Variants in PRORP observed in about 807,000 individuals in gnomAD.
PRORP encodes mitochondrial ribonuclease P catalytic subunit.
Under a neutral mutation model 59.4 loss-of-function variants are expected in PRORP, and 51 were observed. The observed-to-expected ratio is 0.86, with a 90% confidence interval of 0.69 to 1.08. PRORP has a LOEUF of 1.08. Ranked by LOEUF, PRORP falls within the 50% of genes least tolerant of loss-of-function variation. PRORP has a pLI of 0.00. For synonymous variants in PRORP, 231 were observed against 245.6 expected, an observed-to-expected ratio of 0.94 and a Z score of 0.55; for missense variants, 646 against 690.3, an observed-to-expected ratio of 0.94 and a Z score of 0.72.
Position 35,126,777 on chromosome 14 carries a change from A to G in PRORP, c.1029A>G (p.Arg343=). 6.2e-7 allele frequency: 1 copy of G among 1,605,090 alleles called. No individual in the cohort carries two copies. The highest frequency in any genetic ancestry group is 8.5e-7 in the Non-Finnish European group (1 of 1,174,402). ...GGAAAGGACAATTCACCACAGTCCG[A>G]AAAAGGTGAAGACCAATGTTTATTT... The part of the protein sequence containing the change: ...KQWKGQFTTV[R]KSGQCSGCGK... Residue 343 remains arginine, a synonymous_variant, in exon 3 of 8, where the codon CGA becomes CGG. Coordinates refer to ENST00000534898, the MANE Select transcript of PRORP (RefSeq NM_014672.4).
intron 6 of PRORP, among the ~76,000 whole-genome samples, chr14:35,269,652 GGA>G (rs2051136207): frequency 6.6e-6 from 1 of 151,442 alleles, no homozygotes; most frequent in South Asian, 2.1e-4. Flanking sequence ...TTTTTTTTCT[GGA>G]GAGTTATAAG....
chr14:35,210,882 G>A (rs1334768715), intron 5 of PRORP, among the ~76,000 whole-genome samples: 1 of 143,852 alleles, frequency 7.0e-6, no homozygotes, highest in East Asian at 2.2e-4. Flanking sequence ...TCCCACCTCA[G>A]CCTCCCAAGT....
In PRORP at chr14:35,241,802, C is replaced by T. The variant is rs1482542931; in HGVS notation, c.1276-24925C>T. 7.2e-5 allele frequency among the ~76,000 whole-genome samples: 11 copies of T among 152,216 alleles called. No homozygotes were observed. The East Asian group carries it at 2.1e-3, about 29-fold the overall frequency. ...AATTCTTGTTATTCTCTCAACATAC[C>T]GTAACATTTCACTCATTTGTGCCTT... On this transcript the variant is annotated intron_variant, in intron 5 of 7. Coordinates refer to ENST00000534898, the MANE Select transcript of PRORP (RefSeq NM_014672.4).
At chr14:35,169,952 G>A (rs2048275061) in intron 4 of PRORP, among the ~76,000 whole-genome samples, 1 of 152,192 alleles carries the variant, frequency 6.6e-6, no homozygotes, top group Non-Finnish European at 1.5e-5. Context: ...AGAGTTACCT[G>A]TTCCTCCTTT....
chr14:35,223,606 C>T (rs1449928194), intron 5 of PRORP, among the ~76,000 whole-genome samples: 9 of 152,006 alleles, frequency 5.9e-5, no homozygotes, highest in East Asian at 1.9e-4. Flanking sequence ...ATTACAGGTG[C>T]GCGCCACTGC....
At chr14:35,182,257 C>T (rs923791730) in intron 5 of PRORP, among the ~76,000 whole-genome samples, 2 of 152,056 alleles carry the variant, frequency 1.3e-5, no homozygotes, top group Non-Finnish European at 2.9e-5. Flanking sequence ...CAAAACAAGA[C>T]TACATCTCAA....
chr14:35,207,923 G>A (rs1284231317), intron 5 of PRORP, among the ~76,000 whole-genome samples: 4 of 151,988 alleles, frequency 2.6e-5, no homozygotes, highest in African/African-American at 7.3e-5. Flanking sequence ...AGGCCGAGGC[G>A]GGTGGATCAC....
At chr14:35,153,104 G>A (rs2047819108) in intron 4 of PRORP, among the ~76,000 whole-genome samples, 1 of 152,262 alleles carries the variant, frequency 6.6e-6, no homozygotes, top group Non-Finnish European at 1.5e-5. Context: ...GGGCAACATT[G>A]AGCACTGAGT....
At chr14:35,229,966 TG>T (rs2050031315) in intron 5 of PRORP, among the ~76,000 whole-genome samples, 6 of 152,066 alleles carry the variant, frequency 3.9e-5, no homozygotes, top group Non-Finnish European at 8.8e-5. Flanking sequence ...ATTACATATA[TG>T]ATAGGATCCT....
At position 35,123,020 on chromosome 14, in the gene PRORP, G is replaced by T; in HGVS notation, c.-226G>T. On this transcript the variant is annotated 5_prime_UTR_variant, in exon 2 of 8. Transcript: ENST00000534898. Reference sequence around the variant, plus strand: ...TGTCCCCTGGTTTGCGGCTTGCGACGTTGGACATCCCCGGATTGTTGTTTA... The same window carrying T: ...TGTCCCCTGGTTTGCGGCTTGCGACTTTGGACATCCCCGGATTGTTGTTTA... The T allele has an allele frequency of 1.9e-6, 1 of 530,262 alleles. No homozygotes were observed. Among genetic ancestry groups the T allele is most frequent in the Non-Finnish European group, 3.4e-6 (1 of 297,106 alleles). The allele number at this position is 530,262 out of a possible 1,614,324, so 32.8% of individuals were successfully genotyped here.
intron 5 of PRORP, among the ~76,000 whole-genome samples, chr14:35,251,691 A>C (rs971260534): frequency 4.6e-5 from 7 of 151,874 alleles, no homozygotes; most frequent in African/African-American, 1.5e-4. Context: ...AGTAACTGGG[A>C]TTACAGGCGC....
chr14:35,196,402 G>C (rs1460274226), intron 5 of PRORP, among the ~76,000 whole-genome samples: 1 of 152,150 alleles, frequency 6.6e-6, no homozygotes, highest in South Asian at 2.1e-4. Flanking sequence ...GCTGAGGCGG[G>C]GGGAGGATCA....
rs553997877 is a variant in PRORP at position 35,250,243 on chromosome 14, A to G, written c.1276-16484A>G. ...CGAGACTCGGTCTCAAAAAAAAAAA[A>G]GAAAAAAAAAGATGTCTTATACCCC... On this transcript the variant is annotated intron_variant, in intron 5 of 7. Transcript: ENST00000534898. 2.0e-5 allele frequency among the ~76,000 whole-genome samples: 3 copies of G among 152,012 alleles called. No homozygotes were observed. In the South Asian group the frequency reaches 6.2e-4, roughly 32 times the overall value.
intron 5 of PRORP, among the ~76,000 whole-genome samples, chr14:35,199,536 T>G (rs1157220620): frequency 6.6e-6 from 1 of 152,096 alleles, no homozygotes; most frequent in Admixed American, 6.5e-5. Flanking sequence ...GTTCAGCTCT[T>G]TTTGTCCTTC....
Position 35,200,404 on chromosome 14 carries a change from C to T in PRORP, c.1275+19627C>T, listed in dbSNP as rs1462970937. On this transcript the variant is annotated intron_variant, in intron 5 of 7. Transcript: ENST00000534898. ...GCAGGGTTTTACTATCTTGGCCAGG[C>T]TGGTCTTGAACTCCTGACCTCGTGA... Among the ~76,000 whole-genome samples the T allele has an allele frequency of 3.9e-5, 6 of 152,240 alleles. No homozygotes were observed. In the South Asian group the frequency reaches 1.2e-3, roughly 32 times the overall value.
At chr14:35,164,230 AG>A (rs2048128272) in intron 4 of PRORP, among the ~76,000 whole-genome samples, 1 of 152,218 alleles carries the variant, frequency 6.6e-6, no homozygotes, top group African/African-American at 2.4e-5. Flanking sequence ...AGCAGCTTGG[AG>A]ATTTCTCAAA....
chr14:35,210,589 A>G (rs756110030), intron 5 of PRORP, among the ~76,000 whole-genome samples: 11 of 151,510 alleles, frequency 7.3e-5, no homozygotes, highest in Non-Finnish European at 1.5e-4. Context: ...GCTCATGTTG[A>G]TAAGTATCAG....
chr14:35,132,694 G>C (rs547937300), intron 4 of PRORP, among the ~76,000 whole-genome samples: 2 of 151,406 alleles, frequency 1.3e-5, no homozygotes, highest in African/African-American at 4.9e-5. Flanking sequence ...GGCTGAAGCA[G>C]GGGAATCATT....
chr14:35,208,985 T>G (rs1009031081), intron 5 of PRORP, among the ~76,000 whole-genome samples: 2 of 151,646 alleles, frequency 1.3e-5, no homozygotes, highest in East Asian at 1.9e-4. Context: ...GAGCCGAGAT[T>G]GCACAACTGC....
Sources: gnomAD v4.1 joint callset for allele counts (sites outside exome capture counted in the v4.1 genomes callset) on GRCh38, gnomAD v4.1.1 for gene constraint, MANE v1.5 for transcripts, NCBI Gene and HGNC (gene_info 2026-07-23, HGNC 2026-07-21) for gene names.